Variants in LIMCH1 observed in about 807,000 individuals in gnomAD.
LIMCH1 encodes the protein LIM and calponin homology domains 1, also known as LIM and calponin homology domains-containing protein 1.
Under a neutral mutation model 176.5 loss-of-function variants are expected in LIMCH1, and 113 were observed. The ratio of observed to expected loss-of-function variants is 0.64; its 90% CI spans 0.55 to 0.75. The LOEUF (loss-of-function observed/expected upper bound fraction) is 0.75. Ranked by LOEUF, LIMCH1 falls within the 30% of genes least tolerant of loss-of-function variation. The pLI is 0.00. For synonymous variants in LIMCH1, 619 were observed against 645.9 expected, an observed-to-expected ratio of 0.96 and a Z score of 0.63; for missense variants, 1,674 against 1,814.9, an observed-to-expected ratio of 0.92 and a Z score of 1.41.
chr4:41,638,404 G>T (rs1269176294), intron 13 of LIMCH1, among the ~76,000 whole-genome samples: 2 of 152,160 alleles, frequency 1.3e-5, no homozygotes, highest in African/African-American at 4.8e-5. Flanking sequence ...TGGGGTTCTG[G>T]TTGGAGTTCT....
chr4:41,468,356 C>CCTCT (rs1334299873), intron 1 of LIMCH1, among the ~76,000 whole-genome samples: 37 of 76,860 alleles, frequency 4.8e-4, no homozygotes, highest in African/African-American at 1.7e-3. Flanking sequence ...CCTCCTCCTC[C>CCTCT]CTCCCTCCCT....
At chr4:41,651,731 TC>T (rs922163798) in intron 18 of LIMCH1, among the ~76,000 whole-genome samples, 24 of 152,274 alleles carry the variant, frequency 1.6e-4, no homozygotes, top group African/African-American at 5.3e-4. Flanking sequence ...AAACAAAAAT[TC>T]ATTTAAAAGC....
intron 4 of LIMCH1, among the ~76,000 whole-genome samples, chr4:41,607,227 C>T (rs1454824848): frequency 2.0e-5 from 3 of 152,212 alleles, no homozygotes; most frequent in Non-Finnish European, 2.9e-5. Flanking sequence ...TCTTTTAATA[C>T]TGAAAGCAAG....
intron 14 of LIMCH1, among the ~76,000 whole-genome samples, chr4:41,640,338 A>G (rs761796133): frequency 6.6e-5 from 10 of 152,248 alleles, no homozygotes; most frequent in African/African-American, 1.9e-4. Flanking sequence ...TTCTTCATCA[A>G]TGCAAGGCTG....
chr4:41,455,637 AAAAAC>A (rs1295946450), intron 1 of LIMCH1, among the ~76,000 whole-genome samples: 1 of 152,198 alleles, frequency 6.6e-6, no homozygotes, highest in Non-Finnish European at 1.5e-5. Context: ...CAAAAAAACA[AAAAAC>A]AAAAAAACCC....
At chr4:41,513,558 A>T (rs1176469298) in intron 2 of LIMCH1, among the ~76,000 whole-genome samples, 1 of 151,846 alleles carries the variant, frequency 6.6e-6, no homozygotes, top group African/African-American at 2.4e-5. Flanking sequence ...GAACAGGGGG[A>T]CTCCACTCAT....
intron 3 of LIMCH1, among the ~76,000 whole-genome samples, chr4:41,604,939 C>T (rs914157683): frequency 6.6e-6 from 1 of 151,964 alleles, no homozygotes; most frequent in Non-Finnish European, 1.5e-5. Context: ...GAAACATTTT[C>T]TGGCCTACCA....
At chr4:41,684,675 CGT>C (rs997005921) in intron 27 of LIMCH1, among the ~76,000 whole-genome samples, 157 bp downstream of exon 27, 12 of 152,244 alleles carry the variant, frequency 7.9e-5, no homozygotes, top group African/African-American at 2.6e-4. Context: ...CTTCTACCAT[CGT>C]GTGCTCAGAC....
At chr4:41,597,134 A>G (rs986471887) in intron 1 of LIMCH1, among the ~76,000 whole-genome samples, 1 of 152,018 alleles carries the variant, frequency 6.6e-6, no homozygotes, top group Non-Finnish European at 1.5e-5. Flanking sequence ...CGAGGCGTCT[A>G]TGATCAGCCT....
At chr4:41,539,633 T>C (rs2078373304) in intron 1 of LIMCH1, among the ~76,000 whole-genome samples, 1 of 152,234 alleles carries the variant, frequency 6.6e-6, no homozygotes, top group African/African-American at 2.4e-5. Context: ...GTATTCATTT[T>C]CCCATTTCCA....
intron 31 of LIMCH1, among the ~76,000 whole-genome samples, chr4:41,696,847 T>G (rs1731056482): frequency 6.6e-6 from 1 of 152,152 alleles, no homozygotes; most frequent in African/African-American, 2.4e-5. Flanking sequence ...GGTAGAAAAC[T>G]TGATGGAGAT....
chr4:41,660,768 G>C (rs2094590797), intron 18 of LIMCH1, among the ~76,000 whole-genome samples: 1 of 152,150 alleles, frequency 6.6e-6, no homozygotes. Context: ...GAATCCATGG[G>C]AATAATTGAT....
intron 1 of LIMCH1, among the ~76,000 whole-genome samples, chr4:41,553,909 A>G (rs2080882602): frequency 6.6e-6 from 1 of 152,176 alleles, no homozygotes; most frequent in African/African-American, 2.4e-5. Context: ...TAAAAACAAA[A>G]CAGATAATAT....
chr4:41,524,406 C>T, intron 2 of LIMCH1: 1 of 1,613,124 alleles, frequency 6.2e-7, no homozygotes, highest in Non-Finnish European at 8.5e-7. Context: ...TTTTTCATGA[C>T]AGGTTGCTGA....
intron 2 of LIMCH1, among the ~76,000 whole-genome samples, chr4:41,517,146 T>C (rs930148410): frequency 6.6e-6 from 1 of 152,174 alleles, no homozygotes; most frequent in African/African-American, 2.4e-5. Flanking sequence ...ACATACAACT[T>C]CCGAGGACTT....
At position 41,505,663 on chromosome 4, in the gene LIMCH1, T is replaced by C. The variant is rs189073839; in HGVS notation, c.167+11057T>C. Among the ~76,000 whole-genome samples the C allele has an allele frequency of 4.0e-3, 612 of 152,288 alleles. 5 individuals are homozygous for C. The highest frequency in any genetic ancestry group is 0.014 in the African/African-American group (566 of 41,548). Reference sequence around the variant, plus strand: ...TTCTTGTCTGGCTGCTAAGTACCCATACACAACTCCACTTTAGTGCTATTA... The same window carrying C: ...TTCTTGTCTGGCTGCTAAGTACCCACACACAACTCCACTTTAGTGCTATTA... On this transcript the variant is annotated intron_variant, in intron 2 of 26. Transcript: ENST00000313860.
chr4:41,595,883 C>T (rs2088665478), intron 1 of LIMCH1, among the ~76,000 whole-genome samples: 1 of 151,994 alleles, frequency 6.6e-6, no homozygotes, highest in Non-Finnish European at 1.5e-5. Flanking sequence ...AACTTCATCT[C>T]TACTAAAAAT....
At chr4:41,417,751 T>A (rs1200399326) in intron 1 of LIMCH1, among the ~76,000 whole-genome samples, 3 of 152,212 alleles carry the variant, frequency 2.0e-5, no homozygotes, top group Non-Finnish European at 4.4e-5. Context: ...CTTGAACTCC[T>A]GGGTTCAATA....
intron 7 of LIMCH1, among the ~76,000 whole-genome samples, chr4:41,622,083 A>G (rs1227621801): frequency 6.6e-6 from 1 of 152,168 alleles, no homozygotes; most frequent in Non-Finnish European, 1.5e-5. Flanking sequence ...TCTAACATAA[A>G]ATTGTGTTTA....
Sources: gnomAD v4.1 joint callset for allele counts (sites outside exome capture counted in the v4.1 genomes callset) on GRCh38, gnomAD v4.1.1 for gene constraint, MANE v1.5 for transcripts, NCBI Gene and HGNC (gene_info 2026-07-23, HGNC 2026-07-21) for gene names.